The following TBC1D15 variants were observed in gnomAD, a reference collection of about 807,000 sequenced individuals.
TBC1D15 encodes GAP for RAB7.
Under a neutral mutation model 95.4 loss-of-function variants are expected in TBC1D15, and 39 were observed. That is an observed-to-expected ratio of 0.41 (90% CI 0.32 to 0.53). TBC1D15 has a LOEUF of 0.53. Ranked by LOEUF, TBC1D15 falls within the 20% of genes least tolerant of loss-of-function variation. The pLI is 0.29. For missense variants in TBC1D15, 733 were observed against 794.3 expected (o/e 0.92, Z 0.93); for synonymous variants, 258 against 261.3 (o/e 0.99, Z 0.12).
chr12:71,896,148 G>T, intron 8 of TBC1D15, 73 bp downstream of exon 8: 59 of 1,139,288 alleles, frequency 5.2e-5, no homozygotes, highest in East Asian at 9.3e-5. Flanking sequence ...TATCGTTACT[G>T]TTTTGGTGTG....
intron 1 of TBC1D15, among the ~76,000 whole-genome samples, chr12:71,841,784 G>T (rs1017462890): frequency 6.6e-6 from 1 of 152,030 alleles, no homozygotes; most frequent in Admixed American, 6.6e-5. Context: ...TTTTTCTAAT[G>T]CGCAAACCTG....
chr12:71,843,205 C>T (rs1885500233), intron 1 of TBC1D15, among the ~76,000 whole-genome samples: 11 of 152,116 alleles, frequency 7.2e-5, no homozygotes, highest in Admixed American at 7.2e-4. Context: ...CGCTTGAAAC[C>T]AGTGCAGTGA....
At chr12:71,899,487 C>G (rs1297190524) in intron 10 of TBC1D15, among the ~76,000 whole-genome samples, 1 of 152,102 alleles carries the variant, frequency 6.6e-6, no homozygotes, top group African/African-American at 2.4e-5. Flanking sequence ...TTAAAGCATT[C>G]TTTTTCTATA....
intron 1 of TBC1D15, among the ~76,000 whole-genome samples, chr12:71,855,800 G>T (rs919399931): frequency 2.7e-5 from 4 of 150,338 alleles, no homozygotes; most frequent in Admixed American, 6.6e-5. Context: ...TTCTTTATTA[G>T]TAGTAGTATT....
At chr12:71,883,346 C>A (rs73351282) in intron 4 of TBC1D15, among the ~76,000 whole-genome samples, 4,179 of 152,150 alleles carry the variant, frequency 0.027, 195 homozygotes, top group African/African-American at 0.094. Flanking sequence ...GTAAAGTAGT[C>A]AAGTGGGCAC....
intron 6 of TBC1D15, chr12:71,894,256 G>T: frequency 7.8e-7 from 1 of 1,277,378 alleles, no homozygotes; most frequent in Non-Finnish European, 1.1e-6. Context: ...TTTAAATTTA[G>T]CCATCAAATA....
At chr12:71,886,291 C>T (rs1444362147) in intron 5 of TBC1D15, among the ~76,000 whole-genome samples, 1 of 152,154 alleles carries the variant, frequency 6.6e-6, no homozygotes, top group Non-Finnish European at 1.5e-5. Flanking sequence ...ACCTTAGCCT[C>T]CTGAGCAGCT....
In TBC1D15 at chr12:71,893,233, A is replaced by AT. The variant is rs1405176783; in HGVS notation, c.567dup (p.Lys190Ter). On this transcript the variant is annotated frameshift_variant, in exon 6 of 17. Transcript: ENST00000485960. LOFTEE classifies it high-confidence loss of function. ...CTTTTTTATTATAGATCTCCACAGGATAAAAGAACACTTCTTGTGAATTGT... is the reference window on the plus strand; with the variant it reads ...CTTTTTTATTATAGATCTCCACAGGATTAAAAGAACACTTCTTGTGAATTGT... 8.7e-6 allele frequency: 14 copies of AT among 1,604,890 alleles called. No individual in the cohort carries two copies. Among genetic ancestry groups the AT allele is most frequent in the Non-Finnish European group, 1.2e-5 (14 of 1,175,820 alleles).
Position 71,923,162 on chromosome 12 carries a change from G to T in TBC1D15, c.1983G>T (p.Gln661His). 1.2e-6 allele frequency: 2 copies of T among 1,614,194 alleles called. No homozygotes were observed. Among genetic ancestry groups the T allele is most frequent in the South Asian group, 2.2e-5 (2 of 91,084 alleles). Residue 661 changes from glutamine (Q) to histidine (H), a missense_variant, in exon 17 of 17, where the codon CAG (glutamine) becomes CAT (histidine). By Grantham distance (24) the Gln-to-His change is conservative (BLOSUM62 0). Transcript: ENST00000485960. ...GAGCCAGAAATGACAGCCCAACACA[G>T]ATACCAGTGTCCTCAGATGTCTGCA... is the stretch of plus-strand genomic sequence containing the variant. ...ASGARNDSPT[Q>H]IPVSSDVCRL...
At chr12:71,850,944 G>T (rs905895758) in intron 1 of TBC1D15, among the ~76,000 whole-genome samples, 6 of 132,240 alleles carry the variant, frequency 4.5e-5, no homozygotes, top group African/African-American at 1.8e-4. Flanking sequence ...CCAAGATTGT[G>T]CCACTGCACT....
chr12:71,855,752 C>T (rs748815976), intron 1 of TBC1D15, among the ~76,000 whole-genome samples: 14 of 148,284 alleles, frequency 9.4e-5, no homozygotes, highest in Non-Finnish European at 1.3e-4. Flanking sequence ...TCCTAAGAAA[C>T]AGTTATCCTA....
At chr12:71,846,089 TTTAA>T (rs1054343357) in intron 1 of TBC1D15, among the ~76,000 whole-genome samples, 6 of 152,190 alleles carry the variant, frequency 3.9e-5, no homozygotes, top group Non-Finnish European at 8.8e-5. Flanking sequence ...ATTTTTGCTT[TTTAA>T]TTAAAACTTT....
intron 1 of TBC1D15, among the ~76,000 whole-genome samples, chr12:71,864,643 A>G (rs1891100267): frequency 6.6e-6 from 1 of 152,040 alleles, no homozygotes; most frequent in Non-Finnish European, 1.5e-5. Context: ...GGTAGCTGGG[A>G]TTACAGGCGC....
chr12:71,852,815 C>G (rs1888153240), intron 1 of TBC1D15, among the ~76,000 whole-genome samples: 1 of 152,154 alleles, frequency 6.6e-6, no homozygotes, highest in South Asian at 2.1e-4. Flanking sequence ...GGCCTTCACT[C>G]TCCGTATCAC....
intron 11 of TBC1D15, chr12:71,907,436 T>A (rs776360603): frequency 8.8e-5 from 16 of 182,260 alleles, no homozygotes; most frequent in Non-Finnish European, 1.7e-4. Flanking sequence ...CATTAGATCA[T>A]TACATTCTTT....
chr12:71,839,999 A>C (rs534556674), intron 1 of TBC1D15, among the ~76,000 whole-genome samples, 188 bp downstream of exon 1: 1 of 152,180 alleles, frequency 6.6e-6, no homozygotes, highest in South Asian at 2.1e-4. Context: ...GGAGTTATAG[A>C]GCCGGCTACT....
chr12:71,907,197 A>AT (rs1391517790), intron 11 of TBC1D15, 59 bp downstream of exon 11: 1 of 1,084,008 alleles, frequency 9.2e-7, no homozygotes, highest in African/African-American at 1.6e-5. Flanking sequence ...TAGAGTTTAC[A>AT]TTTTTAATCC....
chr12:71,865,073 G>C (rs756324062), intron 1 of TBC1D15, among the ~76,000 whole-genome samples: 2 of 152,184 alleles, frequency 1.3e-5, no homozygotes, highest in Non-Finnish European at 2.9e-5. Context: ...TGTCAGATTT[G>C]TTGTGGCCCA....
At chr12:71,901,608 C>T (rs565961484) in intron 10 of TBC1D15, among the ~76,000 whole-genome samples, 281 of 152,040 alleles carry the variant, frequency 1.8e-3, no homozygotes, top group African/African-American at 6.4e-3. Context: ...AGGTACATAA[C>T]CTCAAAATAA....
Sources: gnomAD v4.1 joint callset for allele counts (sites outside exome capture counted in the v4.1 genomes callset) on GRCh38, gnomAD v4.1.1 for gene constraint, MANE v1.5 for transcripts, NCBI Gene and HGNC (gene_info 2026-07-23, HGNC 2026-07-21) for gene names.